ROBO1: variants seen among roughly 807,000 people sequenced by gnomAD.
ROBO1 encodes roundabout guidance receptor 1, also known as roundabout homolog 1.
In ROBO1, 149 loss-of-function variants were observed where a neutral mutation model predicts 195.9. That is an observed-to-expected ratio of 0.76 (90% CI 0.67 to 0.87). ROBO1 has a LOEUF of 0.87. ROBO1 is among the 40% of genes least tolerant of loss of function. The pLI is 0.00. For missense variants in ROBO1, 1,933 were observed against 2,068.3 expected (o/e 0.93, Z 1.27); for synonymous variants, 816 against 733.2 (o/e 1.11, Z -1.82).
At chr3:78,704,092 T>C (rs1057025639) in intron 8 of ROBO1, among the ~76,000 whole-genome samples, 1 of 152,146 alleles carries the variant, frequency 6.6e-6, no homozygotes, top group Non-Finnish European at 1.5e-5. Flanking sequence ...TCTTGGATTA[T>C]ACTAAACCTA....
chr3:79,395,343 A>G (rs980772216), intron 2 of ROBO1, among the ~76,000 whole-genome samples: 1 of 119,048 alleles, frequency 8.4e-6, no homozygotes, highest in East Asian at 2.6e-4. Flanking sequence ...AAAAAAAAAA[A>G]GAAAGAAAGA....
At chr3:79,357,718 C>A (rs1458203281) in intron 2 of ROBO1, among the ~76,000 whole-genome samples, 1 of 152,060 alleles carries the variant, frequency 6.6e-6, no homozygotes, top group Non-Finnish European at 1.5e-5. Context: ...CCACATATTG[C>A]CAAATTGGAT....
chr3:79,529,190 A>C (rs1488675338), intron 2 of ROBO1, among the ~76,000 whole-genome samples: 1 of 152,224 alleles, frequency 6.6e-6, no homozygotes, highest in African/African-American at 2.4e-5. Context: ...ATTTTAAACA[A>C]GAAAAATTCA....
chr3:78,768,356 C>A (rs1431170033), intron 4 of ROBO1, among the ~76,000 whole-genome samples: 1 of 147,906 alleles, frequency 6.8e-6, no homozygotes, highest in Non-Finnish European at 1.5e-5. Flanking sequence ...AATTTTAATA[C>A]TTTATGTACT....
At chr3:79,300,195 C>T (rs1310843931) in intron 2 of ROBO1, among the ~76,000 whole-genome samples, 1 of 152,164 alleles carries the variant, frequency 6.6e-6, no homozygotes, top group Non-Finnish European at 1.5e-5. Context: ...AGCCGGCTCC[C>T]TCAGCTAGCA....
chr3:79,404,673 C>T (rs1021047645), intron 2 of ROBO1, among the ~76,000 whole-genome samples: 1 of 151,994 alleles, frequency 6.6e-6, no homozygotes, highest in Admixed American at 6.6e-5. Context: ...AAGCATTAAC[C>T]AAATGGAAAG....
chr3:79,754,549 T>C (rs1704283890), intron 1 of ROBO1, among the ~76,000 whole-genome samples: 1 of 152,212 alleles, frequency 6.6e-6, no homozygotes, highest in African/African-American at 2.4e-5. Flanking sequence ...ATCCTGCGAA[T>C]GACCGAGCAT....
At chr3:79,714,065 T>G (rs182482698) in intron 1 of ROBO1, among the ~76,000 whole-genome samples, 5 of 152,078 alleles carry the variant, frequency 3.3e-5, no homozygotes, top group African/African-American at 4.8e-5. Flanking sequence ...AGGATTGACT[T>G]GGCAATGCAG....
At chr3:79,766,557 C>T (rs368225962) in intron 1 of ROBO1, among the ~76,000 whole-genome samples, 3 of 151,902 alleles carry the variant, frequency 2.0e-5, no homozygotes, top group East Asian at 3.9e-4. Flanking sequence ...GGGCAGAAGC[C>T]GTCTCTGCAG....
At chr3:78,973,418 T>C (rs934205104) in intron 3 of ROBO1, among the ~76,000 whole-genome samples, 1 of 146,890 alleles carries the variant, frequency 6.8e-6, no homozygotes, top group African/African-American at 2.5e-5. Flanking sequence ...TATATATATA[T>C]ATGAAGCTAT....
At chr3:79,339,466 C>G (rs1180768191) in intron 2 of ROBO1, among the ~76,000 whole-genome samples, 3 of 152,142 alleles carry the variant, frequency 2.0e-5, no homozygotes, top group Non-Finnish European at 4.4e-5. Context: ...CATCGTACCT[C>G]CACACTTACT....
In ROBO1 at chr3:78,754,497, T is replaced by C. The variant is rs538305518; in HGVS notation, c.500-7597A>G. Among the ~76,000 whole-genome samples the C allele has an allele frequency of 2.0e-5, 3 of 152,358 alleles. No individual in the cohort carries two copies. In the South Asian group the frequency reaches 6.2e-4, roughly 32 times the overall value. ...GAAATATGCTTCTGTATTTATTGCC[T>C]GGCTCTTTGTATCTGAAGGTCAGCT... On this transcript the variant is annotated intron_variant, in intron 4 of 30. Coordinates refer to ENST00000464233, the MANE Select transcript of ROBO1 (RefSeq NM_002941.4).
At chr3:79,447,154 T>TG (rs2039288581) in intron 2 of ROBO1, among the ~76,000 whole-genome samples, 2 of 152,126 alleles carry the variant, frequency 1.3e-5, no homozygotes, top group South Asian at 4.1e-4. Context: ...ATTACAGGTG[T>TG]GAGCCACTGC....
chr3:78,871,183 C>T (rs1208475048), intron 4 of ROBO1, among the ~76,000 whole-genome samples: 2 of 152,000 alleles, frequency 1.3e-5, no homozygotes, highest in East Asian at 1.9e-4. Flanking sequence ...GATGCCCATG[C>T]GAGTGTGAAT....
At chr3:79,095,040 T>C (rs535082836) in intron 3 of ROBO1, among the ~76,000 whole-genome samples, 94 of 151,920 alleles carry the variant, frequency 6.2e-4, no homozygotes, top group African/African-American at 2.1e-3. Flanking sequence ...AGGTATTCAA[T>C]GGAGAATGAT....
chr3:79,398,095 A>G (rs2106761104), intron 2 of ROBO1, among the ~76,000 whole-genome samples: 1 of 152,252 alleles, frequency 6.6e-6, no homozygotes, highest in East Asian at 1.9e-4. Flanking sequence ...GATTTTTAAA[A>G]CTTTTTTTCA....
At chr3:79,096,439 T>C (rs989308485) in intron 3 of ROBO1, among the ~76,000 whole-genome samples, 11 of 151,938 alleles carry the variant, frequency 7.2e-5, no homozygotes, top group African/African-American at 2.6e-4. Flanking sequence ...CATATATGAA[T>C]ATGCATTTCA....
At position 79,395,132 on chromosome 3, in the gene ROBO1, G is replaced by T. The variant is rs540561925; in HGVS notation, c.88+194692C>A. Among the ~76,000 whole-genome samples, 14 of 151,892 alleles carry T rather than the reference G, an allele frequency of 9.2e-5. 1 individual carries two copies. In the South Asian group the frequency reaches 2.9e-3, roughly 32 times the overall value. On this transcript the variant is annotated intron_variant, in intron 2 of 30. Coordinates refer to ENST00000464233, the MANE Select transcript of ROBO1 (RefSeq NM_002941.4). ...AGGTCAGGAGATCAAGACCATCCTG[G>T]CTAACATGGTGCAACCCCGTCTCCA...
At chr3:79,750,267 C>A (rs902895479) in intron 1 of ROBO1, among the ~76,000 whole-genome samples, 1 of 152,348 alleles carries the variant, frequency 6.6e-6, no homozygotes, top group South Asian at 2.1e-4. Context: ...AATGCCTGTA[C>A]TTCCATTGTA....
Sources: gnomAD v4.1 joint callset for allele counts (sites outside exome capture counted in the v4.1 genomes callset) on GRCh38, gnomAD v4.1.1 for gene constraint, MANE v1.5 for transcripts, NCBI Gene and HGNC (gene_info 2026-07-23, HGNC 2026-07-21) for gene names.